The following LMTK3 variants were observed in gnomAD, a reference collection of about 807,000 sequenced individuals.
LMTK3 encodes the protein serine/threonine-protein kinase LMTK3.
Under a neutral mutation model 116.7 loss-of-function variants are expected in LMTK3, and 27 were observed. The ratio of observed to expected loss-of-function variants is 0.23; its 90% CI spans 0.17 to 0.32. LMTK3 has a LOEUF of 0.32. Ranked by LOEUF, LMTK3 falls within the 10% of genes least tolerant of loss-of-function variation. The pLI is 1.00. For missense variants in LMTK3, 1,764 were observed against 2,068.5 expected (o/e 0.85, Z 2.86); for synonymous variants, 965 against 971.0 (o/e 0.99, Z 0.11).
chr19:48,493,574 C>T (rs1972265889), intron 12 of LMTK3, 120 bp downstream of exon 12: 1 of 1,245,580 alleles, frequency 8.0e-7, no homozygotes, highest in Non-Finnish European at 1.1e-6. Flanking sequence ...CACTCCAGCT[C>T]CGCCTCCCTC....
At chr19:48,489,910 G>T (rs1972192714) in intron 14 of LMTK3, among the ~76,000 whole-genome samples, 1 of 152,206 alleles carries the variant, frequency 6.6e-6, no homozygotes, top group Non-Finnish European at 1.5e-5. Flanking sequence ...CAAGCCCTGG[G>T]TCCTGGGGGT....
intron 12 of LMTK3, among the ~76,000 whole-genome samples, chr19:48,492,764 C>G (rs547931228): frequency 1.2e-4 from 19 of 152,132 alleles, no homozygotes; most frequent in Admixed American, 7.9e-4. Context: ...CCTAGCCTCT[C>G]CAGGATCCCA....
chr19:48,497,453 C>T lies in LMTK3; in HGVS notation c.3616G>A (p.Glu1206Lys), dbSNP rs1972347518. Reference sequence around the variant, plus strand: ...AAGTCCAAGAATAGTCGTGGCATCTCGGGGCCCTTCCTCTCGGGCTTGGGG... The same window carrying T: ...AAGTCCAAGAATAGTCGTGGCATCTTGGGGCCCTTCCTCTCGGGCTTGGGG... ...DPPKPERKGP[E>K]MPRLFLDLGP... The change falls in exon 11 of 15, where the codon GAG becomes AAG. Residue 1206 changes from glutamate to lysine, a missense_variant. Around this residue, in one of 7 missense-constraint regions of LMTK3, gnomAD observed 1,028 missense variants for 1,050.6 expected, o/e 0.98. Coordinates refer to ENST00000600059, the MANE Select transcript of LMTK3 (RefSeq NM_001388485.1). The surrounding 1 kb of genome is among the most constrained non-coding windows in gnomAD (Gnocchi z 5.7). 2 of 1,533,638 alleles carry T rather than the reference C, an allele frequency of 1.3e-6. No homozygotes were observed. The highest frequency in any genetic ancestry group is 1.7e-6 in the Non-Finnish European group (2 of 1,143,790).
intron 14 of LMTK3, among the ~76,000 whole-genome samples, chr19:48,490,229 T>C (rs1357766188): frequency 2.0e-5 from 3 of 152,124 alleles, no homozygotes; most frequent in African/African-American, 7.2e-5. Flanking sequence ...TTTTGTAAAA[T>C]TGGGACCAGA....
At chr19:48,513,303 C>A, upstream of LMTK3, 1 of 774,392 alleles carries the variant, frequency 1.3e-6, no homozygotes. This position sits in a 1 kb window ranked among gnomAD's most constrained non-coding sequence, Gnocchi z 5.6. Flanking sequence ...TCAATCCTCA[C>A]AACCGCCCTC....
In LMTK3 at chr19:48,498,436, T is replaced by G; in HGVS notation, c.2633A>C (p.Lys878Thr). ...EDVTRNLLGE[K>T]GATARETGPR... ...TCCTGTCTCCCGGGCTGTCGCCCCC[T>G]TCTCCCCCAGGAGGTTCCTTGTCAC... is the stretch of plus-strand genomic sequence containing the variant. Residue 878 changes from lysine to threonine, a missense_variant, in exon 11 of 15, where the codon AAG (lysine) becomes ACG (threonine). This residue lies in a region of LMTK3 where 1,028 missense variants were observed against 1,050.6 expected (regional missense o/e 0.98). Transcript: ENST00000600059. The G allele has an allele frequency of 6.2e-7, 1 of 1,605,418 alleles. No homozygotes were observed. Among genetic ancestry groups the G allele is most frequent in the South Asian group, 1.1e-5 (1 of 90,040 alleles).
At chr19:48,503,674 C>T (rs1972513221) in intron 5 of LMTK3, among the ~76,000 whole-genome samples, 1 of 152,174 alleles carries the variant, frequency 6.6e-6, no homozygotes, top group Admixed American at 6.5e-5. Context: ...GGATAGAGCG[C>T]CGGCTCTTTG....
chr19:48,513,279 T>A (rs2147566888), upstream of LMTK3: 3 of 944,644 alleles, frequency 3.2e-6, no homozygotes, highest in East Asian at 7.9e-5. The surrounding 1 kb of genome is among the most constrained non-coding windows in gnomAD (Gnocchi z 5.6). Context: ...GTTTTACACG[T>A]ACAGAATTAC....
intron 7 of LMTK3, among the ~76,000 whole-genome samples, chr19:48,502,150 CCCTCCCCCTCCCCTGGTTCCT>C (rs1972481992): frequency 8.6e-6 from 1 of 116,034 alleles, no homozygotes; most frequent in African/African-American, 3.4e-5. Flanking sequence ...CTCCCCTGAC[CCCTCCCCCTCCCCTGGTTCCT>C]CCTCCTCCTC....
In LMTK3 at chr19:48,494,982, T is replaced by G. The variant is rs951022120; in HGVS notation, c.3677-873A>C. On this transcript the variant is annotated intron_variant, in intron 11 of 14. Coordinates refer to ENST00000600059, the MANE Select transcript of LMTK3 (RefSeq NM_001388485.1). This position sits in a 1 kb window ranked among gnomAD's most constrained non-coding sequence, Gnocchi z 4.0. Reference sequence around the variant, plus strand: ...CAGACATCTCAGGGTGATGGGGTTATGGGCGATGCTTCATAGAGGGAGTGT... The same window carrying G: ...CAGACATCTCAGGGTGATGGGGTTAGGGGCGATGCTTCATAGAGGGAGTGT... 1.3e-5 allele frequency among the ~76,000 whole-genome samples: 2 copies of G among 152,008 alleles called. No homozygotes were observed. Among genetic ancestry groups the G allele is most frequent in the African/African-American group, 4.8e-5 (2 of 41,382 alleles).
Position 48,499,671 on chromosome 19 carries a change from G to C in LMTK3, c.1398C>G (p.Leu466=), listed in dbSNP as rs1333554821. 3 of 1,535,314 alleles carry C rather than the reference G, an allele frequency of 2.0e-6. No individual in the cohort carries two copies. The East Asian group carries it at 7.4e-5, about 38-fold the overall frequency. Residue 466 remains leucine (L), a synonymous_variant, in exon 11 of 15, where the codon CTC becomes CTG. Coordinates refer to ENST00000600059, the MANE Select transcript of LMTK3 (RefSeq NM_001388485.1). ...GGCCGCGGCTACTCTCGGTGACCGT[G>C]AGCACATCGTCGGGGTCGGCTCCAG... ...GFPGADPDDV[L]TVTESSRGLN... is the part of the protein sequence containing the mutation.
intron 7 of LMTK3, 75 bp from the exon 8 acceptor site, chr19:48,501,637 A>T: frequency 1.4e-6 from 2 of 1,382,896 alleles, no homozygotes; most frequent in Non-Finnish European, 2.0e-6. Flanking sequence ...TTTCACACTG[A>T]CTCCACCCCT....
intron 1 of LMTK3, 80 bp downstream of exon 1, chr19:48,511,421 G>A (rs1453567456): frequency 2.3e-5 from 12 of 524,218 alleles, no homozygotes; most frequent in South Asian, 5.4e-5. Context: ...GGCAGGACCC[G>A]CAGACAGACC....
chr19:48,485,692 T>C lies in LMTK3; in HGVS notation c.*81A>G. The C allele has an allele frequency of 6.8e-7, 1 of 1,479,510 alleles. No homozygotes were observed. Among genetic ancestry groups the C allele is most frequent in the Non-Finnish European group, 9.3e-7 (1 of 1,076,186 alleles). The allele number at this position is 1,479,510 out of a possible 1,614,324, so 91.6% of individuals were successfully genotyped here. ...TCCCCAGAGGCGGCGTCTGCGGTGG[T>C]GGCAGTGGCGCCGTCATCCACAGAG... On this transcript the variant is annotated 3_prime_UTR_variant, in exon 15 of 15. Transcript: ENST00000600059.
rs1299550812 is a variant in LMTK3, at chr19:48,498,251, C to T, written c.2818G>A (p.Glu940Lys). Residue 940 changes from glutamate to lysine, a missense_variant, in exon 11 of 15, where the codon GAG becomes AAG. By Grantham distance (56) the Glu-to-Lys change is moderately conservative. Transcript: ENST00000600059. ...ENGDQRAPGIEEKAAENGALG... is the reference protein window; with the variant it reads ...ENGDQRAPGIKEKAAENGALG... ...GCCCCATTCTCCGCCGCCTTCTCCT[C>T]GATGCCTGGGGCTCTCTGGTCCCCG... 3.1e-6 allele frequency: 5 copies of T among 1,613,190 alleles called. No homozygotes were observed. The African/African-American group carries it at 5.3e-5, about 17-fold the overall frequency.
Position 48,494,351 on chromosome 19 carries a change from G to A in LMTK3, c.3677-242C>T, listed in dbSNP as rs557975247. Among the ~76,000 whole-genome samples the A allele has an allele frequency of 3.2e-4, 48 of 152,298 alleles. No individual in the cohort carries two copies. The highest frequency in any genetic ancestry group is 5.0e-4 in the Non-Finnish European group (34 of 68,016). On this transcript the variant is annotated intron_variant, in intron 11 of 14. Transcript: ENST00000600059. This position sits in a 1 kb window ranked among gnomAD's most constrained non-coding sequence, Gnocchi z 4.0. ...GCCGCAACTTCCCACAGCCCACCAG[G>A]CCCTCATGCCCTGGCCTACCTGATT... is the stretch of plus-strand genomic sequence containing the variant.
chr19:48,487,255 G>A (rs562035543), intron 14 of LMTK3, among the ~76,000 whole-genome samples: 2 of 152,022 alleles, frequency 1.3e-5, no homozygotes, highest in African/African-American at 4.8e-5. Flanking sequence ...AGCTGGTCTC[G>A]AACTCCTGAC....
At chr19:48,501,853 T>C (rs1972473615) in intron 7 of LMTK3, among the ~76,000 whole-genome samples, 1 of 146,198 alleles carries the variant, frequency 6.8e-6, no homozygotes, top group Admixed American at 6.8e-5. Context: ...CTCCTCCCCC[T>C]CCTCTCCCAG....
In LMTK3 at chr19:48,508,922, C is replaced by T; in HGVS notation, c.486G>A (p.Val162=). The change falls in exon 5 of 15, where the codon GTG becomes GTA. Residue 162 remains valine, a synonymous_variant. Coordinates refer to ENST00000600059, the MANE Select transcript of LMTK3 (RefSeq NM_001388485.1). ...CCGCGCTGGCTCGGAGCTCCTTCACCACCACCTGGGCGGGGGTGTAGTCGG... is the reference window on the plus strand; with the variant it reads ...CCGCGCTGGCTCGGAGCTCCTTCACTACCACCTGGGCGGGGGTGTAGTCGG... ...IFSDYTPAQV[V]VKELRASAGP... 6.2e-7 allele frequency: 1 copy of T among 1,613,368 alleles called. No individual in the cohort carries two copies. The highest frequency in any genetic ancestry group is 1.1e-5 in the South Asian group (1 of 91,042).
Sources: allele counts gnomAD v4.1 joint callset (sites outside exome capture counted in the v4.1 genomes callset), GRCh38; gene constraint gnomAD v4.1.1; regional missense constraint gnomAD v4.1.1; non-coding constraint Gnocchi (gnomAD v3.1); transcripts MANE v1.5; gene names NCBI Gene and HGNC (gene_info 2026-07-23, HGNC 2026-07-21).